Variants in SCFD1 observed in about 807,000 individuals in gnomAD.
SCFD1 encodes the protein sec1 family domain containing 1.
SCFD1 carries 37 observed loss-of-function variants against 103.2 expected under a neutral mutation model. That is an observed-to-expected ratio of 0.36 (90% CI 0.28 to 0.47). The LOEUF is 0.47. Ranked by LOEUF, SCFD1 falls within the 20% of genes least tolerant of loss-of-function variation. The pLI is 1.00. For missense variants in SCFD1, 639 were observed against 761.2 expected, an observed-to-expected ratio of 0.84 and a Z score of 1.89; for synonymous variants, 264 against 245.0, an observed-to-expected ratio of 1.08 and a Z score of -0.73.
intron 18 of SCFD1, 146 bp downstream of exon 18, chr14:30,706,031 G>GT (rs72090370): frequency 0.25 from 122,744 of 497,468 alleles, 9,843 homozygotes; most frequent in East Asian, 0.51. Context: ...AGTTCTCCTG[G>GT]TTTTTTTTTT....
In SCFD1 at chr14:30,622,347, G is replaced by GGCGGCGGCAGCGACAGCA. The variant is rs1555343177; in HGVS notation, c.12_29dup (p.Thr8_Ala13dup). The GGCGGCGGCAGCGACAGCA allele has an allele frequency of 6.4e-7, 1 of 1,571,560 alleles. No individual in the cohort carries two copies. Among genetic ancestry groups the GGCGGCGGCAGCGACAGCA allele is most frequent in the South Asian group, 1.2e-5 (1 of 86,082 alleles). On this transcript the variant is annotated inframe_insertion, in exon 1 of 25. Coordinates refer to ENST00000458591, the MANE Select transcript of SCFD1 (RefSeq NM_016106.4). ...GGCTCGTGGGAGCCAAGATGGCGGCGGCGGCGGCAGCGACAGCAGCAGCAG... is the reference window on the plus strand; with the variant it reads ...GGCTCGTGGGAGCCAAGATGGCGGCGGCGGCGGCAGCGACAGCAGCGGCGGCAGCGACAGCAGCAGCAG...
chr14:30,703,910 CATATATAT>C lies in SCFD1; in HGVS notation c.1490+1581_1490+1588del, dbSNP rs71443380. ...ATTTTTTCAGATTTGGGAATATTTG[CATATATAT>C]ATATATATATATATATATATATATA... On this transcript the variant is annotated intron_variant, in intron 17 of 24. Coordinates refer to ENST00000458591, the MANE Select transcript of SCFD1 (RefSeq NM_016106.4). 5.9e-3 allele frequency among the ~76,000 whole-genome samples: 233 copies of C among 39,478 alleles called. 1 individual carries two copies. Among genetic ancestry groups the C allele is most frequent in the Non-Finnish European group, 1.0e-2 (157 of 15,704 alleles). 25.9% of individuals were successfully genotyped at this position (39,478 alleles called of 152,430 possible).
At chr14:30,631,973 A>T (rs1301454626) in intron 3 of SCFD1, among the ~76,000 whole-genome samples, 1 of 145,744 alleles carries the variant, frequency 6.9e-6, no homozygotes, top group Non-Finnish European at 1.5e-5. Context: ...GCTTGAACCC[A>T]GGAGGCAGAG....
chr14:30,668,280 CAA>C (rs1054913853), intron 10 of SCFD1, among the ~76,000 whole-genome samples: 9 of 152,036 alleles, frequency 5.9e-5, no homozygotes, highest in Admixed American at 5.9e-4. Flanking sequence ...ACAAACCTGA[CAA>C]AAACAAGAAA....
At chr14:30,651,404 T>A (rs1488014396) in intron 9 of SCFD1, among the ~76,000 whole-genome samples, 1 of 150,878 alleles carries the variant, frequency 6.6e-6, no homozygotes, top group Non-Finnish European at 1.5e-5. Flanking sequence ...TATAAACTGC[T>A]TGTATAATTG....
At chr14:30,638,395 A>G (rs1884949132) in intron 5 of SCFD1, 148 bp downstream of exon 5, 4 of 1,142,640 alleles carry the variant, frequency 3.5e-6, no homozygotes, top group Non-Finnish European at 4.7e-6. Flanking sequence ...AGTTCTGATA[A>G]TATAAATTAT....
chr14:30,727,517 C>T (rs2139430513), intron 23 of SCFD1, among the ~76,000 whole-genome samples: 1 of 152,298 alleles, frequency 6.6e-6, no homozygotes, highest in East Asian at 1.9e-4. Context: ...TCTCCTGCAA[C>T]CCATCTTAGA....
At chr14:30,727,293 G>A (rs190827398) in intron 23 of SCFD1, among the ~76,000 whole-genome samples, 18 of 152,328 alleles carry the variant, frequency 1.2e-4, no homozygotes, top group African/African-American at 3.6e-4. Context: ...TAATAGTTAC[G>A]TGGTGGTCTG....
At chr14:30,622,508 CTAGA>C (rs1174417965) in intron 1 of SCFD1, 109 bp downstream of exon 1, 68 of 1,451,626 alleles carry the variant, frequency 4.7e-5, no homozygotes, top group Non-Finnish European at 5.8e-5. Flanking sequence ...AATCCAGTCC[CTAGA>C]ACATCAAGAG....
At position 30,722,485 on chromosome 14, in the gene SCFD1, G is replaced by C; in HGVS notation, c.1771-9G>C. ...GTGTTTTTTTTTTTTTAATCTGTTTGCATTTTAGGCCATTGTTTTTGTGGT... is the reference window on the plus strand; with the variant it reads ...GTGTTTTTTTTTTTTTAATCTGTTTCCATTTTAGGCCATTGTTTTTGTGGT... On this transcript the variant is annotated splice_polypyrimidine_tract_variant and intron_variant, in intron 22 of 24. Transcript: ENST00000458591. 1 of 1,546,910 alleles carries C rather than the reference G, an allele frequency of 6.5e-7. No homozygotes were observed. Among genetic ancestry groups the C allele is most frequent in the Non-Finnish European group, 8.8e-7 (1 of 1,141,796 alleles).
intron 1 of SCFD1, 194 bp downstream of exon 1, chr14:30,622,593 A>AG: frequency 2.1e-6 from 2 of 949,394 alleles, no homozygotes; most frequent in Non-Finnish European, 3.0e-6. Context: ...GTGGTGCAGG[A>AG]GAAGGAGCTT....
At position 30,662,782 on chromosome 14, in the gene SCFD1, C is replaced by A. The variant is rs533123985; in HGVS notation, c.856-7474C>A. On this transcript the variant is annotated intron_variant, in intron 10 of 24. Coordinates refer to ENST00000458591, the MANE Select transcript of SCFD1 (RefSeq NM_016106.4). ...AGATTATTTTGTTAACATTAACTCT[C>A]TCTGGCTCTACTGATTGCTCTAACT... 1.1e-4 allele frequency among the ~76,000 whole-genome samples: 16 copies of A among 152,304 alleles called. No homozygotes were observed. In the South Asian group the frequency reaches 3.3e-3, roughly 32 times the overall value.
At chr14:30,670,592 T>C (rs1300801882) in intron 11 of SCFD1, among the ~76,000 whole-genome samples, 197 bp downstream of exon 11, 2 of 152,156 alleles carry the variant, frequency 1.3e-5, no homozygotes, top group East Asian at 3.9e-4. Context: ...TTTTTGTTCA[T>C]TGTTGTTTTA....
rs1388116978 is a variant in SCFD1, at chr14:30,674,976, A to G, written c.1161-8A>G. 11 of 1,531,146 alleles carry G rather than the reference A, an allele frequency of 7.2e-6. No individual in the cohort carries two copies. The highest frequency in any genetic ancestry group is 9.7e-6 in the Non-Finnish European group (11 of 1,131,100). 94.8% of individuals were successfully genotyped at this position (1,531,146 alleles called of 1,614,324 possible). A position where few individuals can be genotyped will look rare whatever the true frequency, so the allele number is the denominator to read the frequency against. On this transcript the variant is annotated splice_region_variant and splice_polypyrimidine_tract_variant and intron_variant, in intron 13 of 24. Coordinates refer to ENST00000458591, the MANE Select transcript of SCFD1 (RefSeq NM_016106.4). ...ATTGGTTAATATTTAATTTTTTGAT[A>G]CTTGCAGTTCTTTGCCAGAACTCCT...
rs1884037900 is a variant in SCFD1, at chr14:30,630,866, C to T, written c.221+301C>T. On this transcript the variant is annotated intron_variant, in intron 3 of 24. Transcript: ENST00000458591. Reference sequence around the variant, plus strand: ...GTGTTTTGTTCCTTTAATTTAAATACACAGATTCTCCTTGACCTACAATGG... The same window carrying T: ...GTGTTTTGTTCCTTTAATTTAAATATACAGATTCTCCTTGACCTACAATGG... 4 of 275,970 alleles carry T rather than the reference C, an allele frequency of 1.4e-5. No homozygotes were observed. The Admixed American group carries it at 1.5e-4, about 11-fold the overall frequency. The allele number at this position is 275,970 out of a possible 1,614,324, so 17.1% of individuals were successfully genotyped here.
rs1037010006 is a variant in SCFD1, at chr14:30,670,473, G to GA, written c.995+86dup. On this transcript the variant is annotated intron_variant, in intron 11 of 24. Transcript: ENST00000458591. ...GTGTCATCCACCTTAATGAATTTGAGAAAAAAAAGGGTCATGTAGGTTCGT... is the reference window on the plus strand; with the variant it reads ...GTGTCATCCACCTTAATGAATTTGAGAAAAAAAAAGGGTCATGTAGGTTCGT... 669 of 1,063,934 alleles carry GA rather than the reference G, an allele frequency of 6.3e-4. 2 individuals are homozygous for GA. The highest frequency in any genetic ancestry group is 3.6e-4 in the Non-Finnish European group (277 of 761,398). The allele number at this position is 1,063,934 out of a possible 1,614,324, so 65.9% of individuals were successfully genotyped here. A position where few individuals can be genotyped will look rare whatever the true frequency, so the allele number is the denominator to read the frequency against.
chr14:30,721,591 C>T (rs971398893), intron 21 of SCFD1: 4 of 333,870 alleles, frequency 1.2e-5, no homozygotes, highest in Non-Finnish European at 1.1e-5. Context: ...CCCAGACTTA[C>T]GCTCCTCCTC....
intron 4 of SCFD1, among the ~76,000 whole-genome samples, chr14:30,635,227 C>T (rs548399875): frequency 3.9e-5 from 6 of 152,270 alleles, no homozygotes; most frequent in African/African-American, 9.6e-5. Context: ...ATCTCTTCTT[C>T]TTTCATTATT....
chr14:30,705,954 A>G, intron 18 of SCFD1, 69 bp downstream of exon 18: 6 of 1,246,170 alleles, frequency 4.8e-6, no homozygotes, highest in Non-Finnish European at 7.0e-6. Context: ...ATGCCTTAAA[A>G]ACACAATGTC....
Sources: gnomAD v4.1 joint callset for allele counts (sites outside exome capture counted in the v4.1 genomes callset) on GRCh38, gnomAD v4.1.1 for gene constraint, MANE v1.5 for transcripts, NCBI Gene and HGNC (gene_info 2026-07-23, HGNC 2026-07-21) for gene names.